CCSER1: variants seen among roughly 807,000 people sequenced by gnomAD.
The protein encoded by CCSER1 is coiled-coil serine rich protein 1.
In CCSER1, 41 loss-of-function variants were observed where a neutral mutation model predicts 82.0. The ratio of observed to expected loss-of-function variants is 0.50; its 90% CI spans 0.39 to 0.65. CCSER1 has a LOEUF of 0.65. Among genes scored for constraint, CCSER1 ranks in the 30% least tolerant of loss-of-function variants. The probability of loss-of-function intolerance (pLI) is 0.00; values close to 1 mark genes in which losing one functional copy is unlikely to be tolerated. For missense variants in CCSER1, 1,119 were observed against 1,064.2 expected (o/e 1.05, Z -0.72); for synonymous variants, 414 against 383.9 (o/e 1.08, Z -0.92).
chr4:90,154,057 A>G (rs1402069487), intron 1 of CCSER1, among the ~76,000 whole-genome samples: 1 of 152,134 alleles, frequency 6.6e-6, no homozygotes, highest in Non-Finnish European at 1.5e-5. Flanking sequence ...TTTTTGTATA[A>G]GGTGTAAGGA....
intron 1 of CCSER1, among the ~76,000 whole-genome samples, chr4:90,272,784 C>A (rs1726795987): frequency 6.6e-6 from 1 of 152,134 alleles, no homozygotes; most frequent in African/African-American, 2.4e-5. Flanking sequence ...GGGTGGATCA[C>A]CTGAGGTCAG....
chr4:90,781,780 T>C, intron 7 of CCSER1: 2 of 962,202 alleles, frequency 2.1e-6, no homozygotes, highest in Non-Finnish European at 2.5e-6. Context: ...TATTATCTTT[T>C]ATTTTGGCTT....
intron 8 of CCSER1, among the ~76,000 whole-genome samples, chr4:90,859,651 GTTTTTCTTTATAAGACAA>G (rs1561261491): frequency 6.6e-6 from 1 of 151,632 alleles, no homozygotes; most frequent in Non-Finnish European, 1.5e-5. Flanking sequence ...TCAGATCATT[GTTTTTCTTTATAAGACAA>G]TTTTGTGGTG....
chr4:91,078,799 G>A (rs1337838584), intron 9 of CCSER1, among the ~76,000 whole-genome samples: 1 of 152,190 alleles, frequency 6.6e-6, no homozygotes, highest in Non-Finnish European at 1.5e-5. Flanking sequence ...AGCTTCAATA[G>A]CAGATTTAAT....
chr4:91,108,403 C>T (rs1009839465), intron 10 of CCSER1, among the ~76,000 whole-genome samples: 15 of 152,060 alleles, frequency 9.9e-5, no homozygotes, highest in South Asian at 2.1e-4. Flanking sequence ...ATGGCTTATT[C>T]GAATTTGTAT....
intron 5 of CCSER1, among the ~76,000 whole-genome samples, chr4:90,498,487 A>G (rs1423807118): frequency 6.6e-6 from 1 of 152,204 alleles, no homozygotes; most frequent in Non-Finnish European, 1.5e-5. Context: ...TCAGAATATT[A>G]ACATTTTGAT....
At chr4:90,423,099 T>A (rs1756961177) in intron 4 of CCSER1, among the ~76,000 whole-genome samples, 3 of 152,206 alleles carry the variant, frequency 2.0e-5, no homozygotes, top group Admixed American at 2.0e-4. Context: ...TGCTCCCATA[T>A]GTAGAGCATT....
At chr4:90,445,313 C>T (rs575839021) in intron 4 of CCSER1, among the ~76,000 whole-genome samples, 1 of 152,154 alleles carries the variant, frequency 6.6e-6, no homozygotes, top group East Asian at 1.9e-4. Flanking sequence ...TTAAATATCG[C>T]TTCAAAGAGT....
At chr4:90,536,232 C>G (rs1167043077) in intron 5 of CCSER1, among the ~76,000 whole-genome samples, 1 of 151,946 alleles carries the variant, frequency 6.6e-6, no homozygotes, top group Non-Finnish European at 1.5e-5. Flanking sequence ...TGGGGTTTTG[C>G]CGTGTTAGCC....
chr4:91,230,599 CCTAT>C (rs1308268552), intron 10 of CCSER1, among the ~76,000 whole-genome samples: 1 of 151,654 alleles, frequency 6.6e-6, no homozygotes, highest in African/African-American at 2.4e-5. Context: ...ATGATTTGTG[CCTAT>C]CTATTTCTGT....
intron 10 of CCSER1, among the ~76,000 whole-genome samples, chr4:91,226,536 T>C (rs959215301): frequency 2.0e-5 from 3 of 152,082 alleles, no homozygotes; most frequent in African/African-American, 7.2e-5. Flanking sequence ...GTGAAGTGAA[T>C]GGATAAATCT....
At chr4:90,904,579 C>G (rs1252392867) in intron 8 of CCSER1, among the ~76,000 whole-genome samples, 1 of 152,090 alleles carries the variant, frequency 6.6e-6, no homozygotes, top group Non-Finnish European at 1.5e-5. Context: ...TATTATAATG[C>G]CTGAATGCTC....
intron 8 of CCSER1, among the ~76,000 whole-genome samples, chr4:90,894,741 T>TA (rs1723455275): frequency 6.6e-6 from 1 of 151,986 alleles, no homozygotes; most frequent in Non-Finnish European, 1.5e-5. Context: ...TTCTCATACT[T>TA]ACAAGTGCCA....
At chr4:91,269,850 T>G (rs895766945) in intron 10 of CCSER1, among the ~76,000 whole-genome samples, 3 of 152,316 alleles carry the variant, frequency 2.0e-5, no homozygotes, top group African/African-American at 7.2e-5. Flanking sequence ...AATTGTGTAC[T>G]TTTAAAATAA....
rs183592356 is a variant in CCSER1 at position 91,315,425 on chromosome 4, G to A, written c.2217+229431G>A. On this transcript the variant is annotated intron_variant, in intron 10 of 10. Transcript: ENST00000509176. ...CATTATATTTCCACTGCCAAACCCA[G>A]CGCCTGGCCATACATTGGAACCATA... Among the ~76,000 whole-genome samples, 129 of 152,020 alleles carry A rather than the reference G, an allele frequency of 8.5e-4. 1 individual carries two copies. The highest frequency in any genetic ancestry group is 2.9e-3 in the African/African-American group (121 of 41,514).
rs188207990 is a variant in CCSER1 at position 91,469,112 on chromosome 4, T to G, written c.2218-129460T>G. Among the ~76,000 whole-genome samples the G allele has an allele frequency of 1.3e-3, 198 of 152,324 alleles. 1 individual carries two copies. Among genetic ancestry groups the G allele is most frequent in the South Asian group, 5.0e-3 (24 of 4,830 alleles). ...ATGCAGATTTATCTAATATACCAAA[T>G]CTACATTGGATCTTTCATTTTATCA... On this transcript the variant is annotated intron_variant, in intron 10 of 10. Transcript: ENST00000509176.
chr4:90,825,024 T>C (rs769456570), intron 8 of CCSER1, among the ~76,000 whole-genome samples: 21 of 152,158 alleles, frequency 1.4e-4, no homozygotes, highest in Non-Finnish European at 2.8e-4. Context: ...CTCCAGTTTC[T>C]TACACACTCC....
intron 8 of CCSER1, among the ~76,000 whole-genome samples, chr4:90,849,373 G>A (rs1236575139): frequency 6.6e-6 from 1 of 152,202 alleles, no homozygotes; most frequent in Non-Finnish European, 1.5e-5. Context: ...GAGATCTGTG[G>A]AACTTTTAAC....
chr4:90,484,507 C>T (rs1197645954), intron 5 of CCSER1, among the ~76,000 whole-genome samples: 1 of 152,074 alleles, frequency 6.6e-6, no homozygotes, highest in African/African-American at 2.4e-5. Context: ...GTGGTTTTAT[C>T]TACTTTTGGT....
Sources: allele counts gnomAD v4.1 joint callset (sites outside exome capture counted in the v4.1 genomes callset), GRCh38; gene constraint gnomAD v4.1.1; transcripts MANE v1.5; gene names NCBI Gene and HGNC (gene_info 2026-07-23, HGNC 2026-07-21).